CHRNA7: variants seen among roughly 807,000 people sequenced by gnomAD.
CHRNA7 encodes the protein neuronal acetylcholine receptor subunit alpha-7.
Under a neutral mutation model 48.0 loss-of-function variants are expected in CHRNA7, and 17 were observed. The observed-to-expected ratio is 0.35, with a 90% CI of 0.24 to 0.53. CHRNA7 has a LOEUF of 0.53. CHRNA7 is among the 20% of genes least tolerant of loss of function. CHRNA7 has a pLI of 0.92. For synonymous variants in CHRNA7, 75 were observed against 242.3 expected (o/e 0.31, Z 6.41); for missense variants, 155 against 577.7 (o/e 0.27, Z 7.50).
intron 2 of CHRNA7, among the ~76,000 whole-genome samples, chr15:32,094,378 G>A (rs955021913): frequency 6.6e-6 from 1 of 152,116 alleles, no homozygotes; most frequent in Non-Finnish European, 1.5e-5. Context: ...AAACCAACCA[G>A]GTTTCAAAGA....
At chr15:32,041,684 T>C (rs1423195712) in intron 2 of CHRNA7, among the ~76,000 whole-genome samples, 1 of 152,276 alleles carries the variant, frequency 6.6e-6, no homozygotes, top group Non-Finnish European at 1.5e-5. Context: ...GATATTCTAT[T>C]CTGTTGTTTT....
intron 4 of CHRNA7, among the ~76,000 whole-genome samples, chr15:32,134,743 A>G (rs943897493): frequency 6.6e-6 from 1 of 152,252 alleles, no homozygotes; most frequent in African/African-American, 2.4e-5. Flanking sequence ...AGTAAGAATT[A>G]AAAACACAAA....
Position 32,030,884 on chromosome 15 carries a change from C to T in CHRNA7, c.56-14C>T. ...CCTGCCCTGAGCCCCCTGCCCGGGT[C>T]TTCTCTCCTTAAGTGTCCCTGCAAG... On this transcript the variant is annotated splice_polypyrimidine_tract_variant and intron_variant, in intron 1 of 9. Transcript: ENST00000306901. 6.2e-7 allele frequency: 1 copy of T among 1,612,942 alleles called. No homozygotes were observed. Among genetic ancestry groups the T allele is most frequent in the Non-Finnish European group, 8.5e-7 (1 of 1,179,688 alleles).
At chr15:32,124,615 A>G (rs993690769) in intron 4 of CHRNA7, among the ~76,000 whole-genome samples, 2 of 152,212 alleles carry the variant, frequency 1.3e-5, no homozygotes, top group Non-Finnish European at 2.9e-5. Flanking sequence ...GAAAACTGGC[A>G]AACAAAGCTG....
At chr15:32,108,026 G>A (rs1171280494) in intron 3 of CHRNA7, among the ~76,000 whole-genome samples, 1 of 152,162 alleles carries the variant, frequency 6.6e-6, no homozygotes, top group Non-Finnish European at 1.5e-5. Flanking sequence ...ATACCATAAT[G>A]TATTTTTTTA....
Position 32,170,188 on chromosome 15 carries a change from GCTCA to G in CHRNA7, c.*1735_*1738del, listed in dbSNP as rs1157209388. On this transcript the variant is annotated 3_prime_UTR_variant, in exon 10 of 10. Coordinates refer to ENST00000306901, the MANE Select transcript of CHRNA7 (RefSeq NM_000746.6). ...TTGTATGTGCTTTTCCAGCCATCTG[GCTCA>G]CTCATTTCTGGGTAATGCACATGAC... 3 of 108,342 alleles carry G rather than the reference GCTCA, an allele frequency of 2.8e-5. No individual in the cohort carries two copies. The East Asian group carries it at 9.7e-4, about 35-fold the overall frequency. The allele number at this position is 108,342 out of a possible 1,614,324, so 6.7% of individuals were successfully genotyped here.
At chr15:32,038,680 G>A (rs1469933311) in intron 2 of CHRNA7, among the ~76,000 whole-genome samples, 2 of 152,082 alleles carry the variant, frequency 1.3e-5, no homozygotes, top group African/African-American at 4.8e-5. Flanking sequence ...ATATTTTGTT[G>A]AGCATTTTTG....
In CHRNA7 at chr15:32,046,445, C is replaced by T. The variant is rs1287994908; in HGVS notation, c.195+15408C>T. On this transcript the variant is annotated intron_variant, in intron 2 of 9. Coordinates refer to ENST00000306901, the MANE Select transcript of CHRNA7 (RefSeq NM_000746.6). Reference sequence around the variant, plus strand: ...TGATGATGAGCCTTTTTTCATGTGTCTTTTGGCTGCATAAATGTCTTCTTT... The same window carrying T: ...TGATGATGAGCCTTTTTTCATGTGTTTTTTGGCTGCATAAATGTCTTCTTT... Among the ~76,000 whole-genome samples the T allele has an allele frequency of 3.4e-5, 5 of 149,182 alleles. No individual in the cohort carries two copies. The South Asian group carries it at 6.4e-4, about 19-fold the overall frequency.
At chr15:32,048,069 T>C (rs1254232137) in intron 2 of CHRNA7, among the ~76,000 whole-genome samples, 13 of 152,358 alleles carry the variant, frequency 8.5e-5, no homozygotes, top group South Asian at 2.1e-4. Flanking sequence ...TGGATTCCGT[T>C]TGCCAGTATT....
intron 4 of CHRNA7, among the ~76,000 whole-genome samples, chr15:32,144,072 A>C (rs962989001): frequency 6.6e-6 from 1 of 152,074 alleles, no homozygotes; most frequent in Admixed American, 6.6e-5. Context: ...GTTCCTTTCC[A>C]TGTTAAGTGC....
intron 2 of CHRNA7, among the ~76,000 whole-genome samples, chr15:32,048,766 T>C (rs2049605132): frequency 1.3e-5 from 2 of 152,076 alleles, no homozygotes; most frequent in Non-Finnish European, 2.9e-5. Flanking sequence ...GCTGTTAGGG[T>C]GTCAATTTTG....
chr15:32,101,433 C>A, intron 3 of CHRNA7, 86 bp downstream of exon 3: 1 of 1,412,376 alleles, frequency 7.1e-7, no homozygotes, highest in Non-Finnish European at 9.6e-7. Context: ...ATGCTTGCTT[C>A]TGAGAGGTCC....
At chr15:32,120,052 G>A (rs1413771155) in intron 4 of CHRNA7, among the ~76,000 whole-genome samples, 1 of 152,164 alleles carries the variant, frequency 6.6e-6, no homozygotes, top group Non-Finnish European at 1.5e-5. Flanking sequence ...CTCGCCCAGT[G>A]CCAGCAGATG....
chr15:32,098,076 G>T (rs1010327839), intron 2 of CHRNA7, among the ~76,000 whole-genome samples: 2 of 152,212 alleles, frequency 1.3e-5, no homozygotes, highest in African/African-American at 4.8e-5. Context: ...TCCATCTGGG[G>T]ACTTTCCACA....
At chr15:32,115,854 A>G (rs1208054724) in intron 4 of CHRNA7, among the ~76,000 whole-genome samples, 1 of 152,184 alleles carries the variant, frequency 6.6e-6, no homozygotes, top group Non-Finnish European at 1.5e-5. Context: ...AGTGTAATAC[A>G]GTGCGGCTAA....
At chr15:32,121,764 T>C (rs977020476) in intron 4 of CHRNA7, among the ~76,000 whole-genome samples, 1 of 152,032 alleles carries the variant, frequency 6.6e-6, no homozygotes, top group African/African-American at 2.4e-5. Context: ...CATGGAAAGA[T>C]ATGTAAGTTA....
chr15:32,059,838 G>C (rs1397668653), intron 2 of CHRNA7, among the ~76,000 whole-genome samples: 1 of 143,906 alleles, frequency 6.9e-6, no homozygotes, highest in Non-Finnish European at 1.5e-5. Context: ...TACATCAGGT[G>C]TAAGGAAAAA....
intron 2 of CHRNA7, among the ~76,000 whole-genome samples, chr15:32,077,254 A>C (rs62003566): frequency 0.027 from 4,116 of 152,236 alleles, 82 homozygotes; most frequent in Middle Eastern, 0.048. Flanking sequence ...AGCTTCTATA[A>C]ACATCTGTGT....
chr15:32,077,705 G>A (rs2050155761), intron 2 of CHRNA7, among the ~76,000 whole-genome samples: 1 of 152,128 alleles, frequency 6.6e-6, no homozygotes, highest in Non-Finnish European at 1.5e-5. Flanking sequence ...AGTTCTACAG[G>A]CTGTGGAAGT....
Sources: allele counts gnomAD v4.1 joint callset (sites outside exome capture counted in the v4.1 genomes callset), GRCh38; gene constraint gnomAD v4.1.1; transcripts MANE v1.5; gene names NCBI Gene and HGNC (gene_info 2026-07-23, HGNC 2026-07-21).